The following EXOC2 variants were observed in gnomAD, a reference collection of about 807,000 sequenced individuals.
EXOC2 encodes the protein SEC5-like 1.
In EXOC2, 70 loss-of-function variants were observed where a neutral mutation model predicts 131.8. The observed-to-expected ratio is 0.53, with a 90% CI of 0.44 to 0.65. The LOEUF is 0.65. Ranked by LOEUF, EXOC2 falls within the 30% of genes least tolerant of loss-of-function variation. The pLI, the probability that EXOC2 is intolerant of heterozygous loss-of-function variation, is 0.00. For synonymous variants in EXOC2, 411 were observed against 398.4 expected, an observed-to-expected ratio of 1.03 and a Z score of -0.38; for missense variants, 923 against 1,108.6, an observed-to-expected ratio of 0.83 and a Z score of 2.38.
At chr6:514,578 G>GTGGTTTGGAGCCCC (rs1187443798) in intron 23 of EXOC2, among the ~76,000 whole-genome samples, 1 of 152,232 alleles carries the variant, frequency 6.6e-6, no homozygotes, top group Non-Finnish European at 1.5e-5. Flanking sequence ...CTCTGAGCGC[G>GTGGTTTGGAGCCCC]TGGTTTGGAG....
intron 22 of EXOC2, among the ~76,000 whole-genome samples, chr6:540,628 A>G (rs892710110): frequency 6.6e-6 from 1 of 152,186 alleles, no homozygotes; most frequent in Non-Finnish European, 1.5e-5. Context: ...CAGACAATTA[A>G]AGATGAGGAG....
chr6:620,370 C>A (rs1761222954), intron 4 of EXOC2, among the ~76,000 whole-genome samples: 1 of 152,154 alleles, frequency 6.6e-6, no homozygotes, highest in African/African-American at 2.4e-5. Flanking sequence ...AGGCATGAAA[C>A]CTGACGCTTC....
intron 20 of EXOC2, among the ~76,000 whole-genome samples, chr6:554,484 T>TA (rs1316965844): frequency 1.3e-5 from 2 of 152,142 alleles, no homozygotes; most frequent in African/African-American, 4.8e-5. Context: ...AATAATGAGC[T>TA]AAAAATATGA....
At chr6:489,739 T>C (rs902187075) in intron 26 of EXOC2, among the ~76,000 whole-genome samples, 1 of 152,222 alleles carries the variant, frequency 6.6e-6, no homozygotes, top group African/African-American at 2.4e-5. Flanking sequence ...TCTCTTATGA[T>C]TGGTTAAGGT....
intron 23 of EXOC2, among the ~76,000 whole-genome samples, chr6:529,819 G>A (rs1171904665): frequency 6.6e-6 from 1 of 152,188 alleles, no homozygotes. Flanking sequence ...TAGAATTGCT[G>A]ATGTGTTAGA....
At chr6:589,998 C>G (rs959476455) in intron 11 of EXOC2, among the ~76,000 whole-genome samples, 2 of 152,100 alleles carry the variant, frequency 1.3e-5, no homozygotes, top group African/African-American at 4.8e-5. Context: ...GCCTGTAGTC[C>G]CAGCTACTTG....
chr6:492,213 G>A (rs575252418), intron 25 of EXOC2, among the ~76,000 whole-genome samples: 1 of 152,196 alleles, frequency 6.6e-6, no homozygotes, highest in Non-Finnish European at 1.5e-5. Context: ...CACAGAATGA[G>A]GTATCACTTC....
chr6:687,171 CTTT>C (rs762736216), intron 1 of EXOC2, among the ~76,000 whole-genome samples: 3 of 78,366 alleles, frequency 3.8e-5, no homozygotes, highest in African/African-American at 5.1e-5. Context: ...AAATAATATT[CTTT>C]TTTTTTTTTT....
intron 1 of EXOC2, among the ~76,000 whole-genome samples, chr6:671,305 C>T (rs541344279): frequency 6.7e-6 from 1 of 150,334 alleles, no homozygotes; most frequent in African/African-American, 2.4e-5. Flanking sequence ...TGCAGTGAGC[C>T]GAGCCTGGGT....
intron 6 of EXOC2, 55 bp downstream of exon 6, chr6:617,656 G>T: frequency 1.3e-6 from 2 of 1,585,892 alleles, no homozygotes; most frequent in Non-Finnish European, 1.7e-6. Flanking sequence ...CCTGCAGGCA[G>T]TGCCGGGTTT....
At chr6:578,393 C>T (rs1379451525) in intron 11 of EXOC2, among the ~76,000 whole-genome samples, 1 of 152,118 alleles carries the variant, frequency 6.6e-6, no homozygotes, top group Non-Finnish European at 1.5e-5. Context: ...TGTTTACATT[C>T]TGGTGGTGGA....
At chr6:540,716 G>A (rs1766764958) in intron 22 of EXOC2, among the ~76,000 whole-genome samples, 2 of 152,126 alleles carry the variant, frequency 1.3e-5, no homozygotes, top group South Asian at 4.1e-4. Flanking sequence ...AGATCTTAAA[G>A]GACAGAAAAG....
intron 1 of EXOC2, among the ~76,000 whole-genome samples, chr6:650,623 C>T (rs901487842): frequency 1.3e-5 from 2 of 152,162 alleles, no homozygotes; most frequent in African/African-American, 4.8e-5. Context: ...AATAAATTAT[C>T]TTTTCCATTT....
At chr6:487,818 A>T (rs1447078152) in intron 27 of EXOC2, among the ~76,000 whole-genome samples, 6 of 152,204 alleles carry the variant, frequency 3.9e-5, no homozygotes, top group African/African-American at 1.4e-4. Flanking sequence ...TCACGGTTTA[A>T]CAATGTTCAA....
chr6:668,034 T>C (rs1763694435), intron 1 of EXOC2, among the ~76,000 whole-genome samples: 1 of 152,220 alleles, frequency 6.6e-6, no homozygotes, highest in Admixed American at 6.5e-5. Flanking sequence ...AGACATCTCA[T>C]ATAACTCTGA....
intron 23 of EXOC2, chr6:525,294 A>G (rs1014397750): frequency 1.3e-5 from 2 of 152,200 alleles, no homozygotes; most frequent in African/African-American, 4.8e-5. Context: ...TACTAAGCTA[A>G]CTTTACTAGG....
At chr6:509,120 T>TGTTTG (rs1438600108) in intron 23 of EXOC2, among the ~76,000 whole-genome samples, 1 of 152,274 alleles carries the variant, frequency 6.6e-6, no homozygotes, top group Non-Finnish European at 1.5e-5. Context: ...GCAAACAACC[T>TGTTTG]GTTTGCTCTT....
chr6:616,617 A>C (rs905348264), intron 6 of EXOC2, among the ~76,000 whole-genome samples: 1 of 151,070 alleles, frequency 6.6e-6, no homozygotes, highest in Non-Finnish European at 1.5e-5. Flanking sequence ...AAAAAAAAAA[A>C]AAAAAACTAA....
chr6:640,404 GAAGA>G (rs1481448372), intron 1 of EXOC2, among the ~76,000 whole-genome samples: 1 of 152,174 alleles, frequency 6.6e-6, no homozygotes, highest in African/African-American at 2.4e-5. Flanking sequence ...GACAGAGATG[GAAGA>G]AAGACAAACA....
Sources: allele counts gnomAD v4.1 joint callset (sites outside exome capture counted in the v4.1 genomes callset), GRCh38; gene constraint gnomAD v4.1.1; transcripts MANE v1.5; gene names NCBI Gene and HGNC (gene_info 2026-07-23, HGNC 2026-07-21).